The following PROX1 variants were observed in gnomAD, a reference collection of about 807,000 sequenced individuals.
PROX1 encodes prospero homeobox protein 1.
Under a neutral mutation model 58.8 loss-of-function variants are expected in PROX1, and 7 were observed. The observed-to-expected ratio is 0.12, with a 90% CI of 0.07 to 0.22. The LOEUF is 0.22. Ranked by LOEUF, PROX1 falls within the 10% of genes least tolerant of loss-of-function variation. The pLI is 1.00. For synonymous variants in PROX1, 350 were observed against 358.3 expected (o/e 0.98, Z 0.26); for missense variants, 675 against 927.8 (o/e 0.73, Z 3.54).
intron 4 of PROX1, among the ~76,000 whole-genome samples, chr1:214,034,494 T>TAA (rs1220700358): frequency 6.6e-6 from 1 of 152,234 alleles, no homozygotes; most frequent in Non-Finnish European, 1.5e-5. Flanking sequence ...AGAAATCTAC[T>TAA]AAGTGTCAAT....
At chr1:213,992,431 A>G (rs1427236489) in intron 1 of PROX1, among the ~76,000 whole-genome samples, 1 of 152,158 alleles carries the variant, frequency 6.6e-6, no homozygotes, top group East Asian at 1.9e-4. Context: ...AGTGAAGGGG[A>G]CAATTTAATG....
chr1:214,021,336 C>T (rs1664271920), intron 4 of PROX1, among the ~76,000 whole-genome samples: 1 of 152,166 alleles, frequency 6.6e-6, no homozygotes, highest in Non-Finnish European at 1.5e-5. Flanking sequence ...ACGTGATTCC[C>T]CTAGAACTCC....
At chr1:213,991,390 T>C (rs1384198614) in intron 1 of PROX1, among the ~76,000 whole-genome samples, 2 of 152,212 alleles carry the variant, frequency 1.3e-5, no homozygotes, top group Non-Finnish European at 2.9e-5. Context: ...TCATTTATTC[T>C]GTAGACTTCA....
rs770728307 is a variant in PROX1 at position 214,040,252 on chromosome 1, G to A, written c.*4418G>A. The A allele has an allele frequency of 1.3e-5, 2 of 152,182 alleles. No individual in the cohort carries two copies. Among genetic ancestry groups the A allele is most frequent in the Non-Finnish European group, 2.9e-5 (2 of 67,998 alleles). The allele number at this position is 152,182 out of a possible 1,614,324, so 9.4% of individuals were successfully genotyped here. A position where few individuals can be genotyped will look rare whatever the true frequency, so the allele number is the denominator to read the frequency against. ...CATATTCAGAGCTGGGATCAAAACT[G>A]GTATTTAACCTTTGCATCTTCTTAT... is the stretch of plus-strand genomic sequence containing the variant. On this transcript the variant is annotated 3_prime_UTR_variant, in exon 5 of 5. Transcript: ENST00000366958.
chr1:214,019,241 ACCCCAAAAC>A (rs1302091391), intron 4 of PROX1, among the ~76,000 whole-genome samples: 1 of 150,308 alleles, frequency 6.7e-6, no homozygotes, highest in African/African-American at 2.5e-5. Flanking sequence ...TTGCCCCCCC[ACCCCAAAAC>A]AGGCTCCCCA....
intron 1 of PROX1, among the ~76,000 whole-genome samples, chr1:213,990,688 GTGTGTGTGTGTGTT>G (rs1663001519): frequency 2.0e-5 from 3 of 149,662 alleles, no homozygotes; most frequent in Admixed American, 2.0e-4. Flanking sequence ...GTGTGTGTGT[GTGTGTGTGTGTGTT>G]TGTGTGTGTG....
At position 214,020,271 on chromosome 1, in the gene PROX1, A is replaced by AT. The variant is rs535112541; in HGVS notation, c.2028+8560dup. On this transcript the variant is annotated intron_variant, in intron 4 of 4. Transcript: ENST00000366958. ...TTTATTTGCACCTGTGCATTGCCAC[A>AT]TTTTACCAATTTTCTGAAAGCACTT... 3.0e-3 allele frequency among the ~76,000 whole-genome samples: 457 copies of AT among 151,936 alleles called. 1 individual carries two copies. Among genetic ancestry groups the AT allele is most frequent in the Non-Finnish European group, 4.8e-3 (329 of 67,994 alleles).
At chr1:213,989,600 A>C (rs990931291) in intron 1 of PROX1, 1 of 148,980 alleles carries the variant, frequency 6.7e-6, no homozygotes, top group Non-Finnish European at 1.5e-5. Flanking sequence ...GGGCGGGAAG[A>C]GGGAGGGAAG....
At chr1:214,018,529 T>A (rs1230423965) in intron 4 of PROX1, among the ~76,000 whole-genome samples, 1 of 152,136 alleles carries the variant, frequency 6.6e-6, no homozygotes, top group Non-Finnish European at 1.5e-5. Flanking sequence ...GAGAGCTATT[T>A]GAGAAGGGTA....
chr1:214,036,073 G>T lies in PROX1; in HGVS notation c.*239G>T. ...CTTTTGCCCAAGGCCCTTAACATTT[G>T]GACACTTAAAATAGGGTTAATTTTC... On this transcript the variant is annotated 3_prime_UTR_variant, in exon 5 of 5. Coordinates refer to ENST00000366958, the MANE Select transcript of PROX1 (RefSeq NM_001270616.2). 1 of 328,402 alleles carries T rather than the reference G, an allele frequency of 3.0e-6. No homozygotes were observed. Among genetic ancestry groups the T allele is most frequent in the Admixed American group, 4.8e-5 (1 of 20,936 alleles). The allele number at this position is 328,402 out of a possible 1,614,324, so 20.3% of individuals were successfully genotyped here.
At chr1:214,018,514 G>T (rs976159081) in intron 4 of PROX1, among the ~76,000 whole-genome samples, 1 of 152,204 alleles carries the variant, frequency 6.6e-6, no homozygotes, top group African/African-American at 2.4e-5. Context: ...AAGATGCAGT[G>T]TGGAGAGAGC....
rs1341067527 is a variant in PROX1 at position 213,997,972 on chromosome 1, C to A, written c.1437C>A (p.Thr479=). ...LSATTGFTTS[T]FRHPFPLPLM... ...CCACCACGGGCTTCACCACGTCCAC[C>A]TTCCGCCACCCCTTCCCCCTTCCCT... Residue 479 remains threonine, a synonymous_variant, in exon 2 of 5, where the codon ACC becomes ACA. Transcript: ENST00000366958. This position sits in a 1 kb window ranked among gnomAD's most constrained non-coding sequence, Gnocchi z 7.1. 6.2e-7 allele frequency: 1 copy of A among 1,614,032 alleles called. No individual in the cohort carries two copies. Among genetic ancestry groups the A allele is most frequent in the Non-Finnish European group, 8.5e-7 (1 of 1,179,950 alleles).
chr1:214,025,035 T>A (rs1383158838), intron 4 of PROX1, among the ~76,000 whole-genome samples: 1 of 152,198 alleles, frequency 6.6e-6, no homozygotes, highest in Non-Finnish European at 1.5e-5. Context: ...TTTTTCCACC[T>A]AAGTATTGAG....
intron 1 of PROX1, among the ~76,000 whole-genome samples, chr1:213,994,799 A>ATATATCTATATC (rs1558167642): frequency 2.5e-5 from 3 of 119,600 alleles, no homozygotes; most frequent in African/African-American, 1.0e-4. Context: ...ATATATATAT[A>ATATATCTATATC]TATAAAGAGG....
intron 4 of PROX1, chr1:214,029,312 T>A (rs1664566240): frequency 6.6e-6 from 1 of 152,228 alleles, no homozygotes; most frequent in South Asian, 2.1e-4. Flanking sequence ...TCGCTATGTA[T>A]GATTGGTACA....
intron 4 of PROX1, among the ~76,000 whole-genome samples, chr1:214,021,378 A>AT (rs11407990): frequency 0.086 from 13,009 of 152,148 alleles, 1,306 homozygotes; most frequent in African/African-American, 0.24. Flanking sequence ...ATATCCTGGG[A>AT]TTGTGAAGAG....
Position 214,011,510 on chromosome 1 carries a change from A to G in PROX1, c.1834-11A>G. 6.3e-7 allele frequency: 1 copy of G among 1,598,950 alleles called. No homozygotes were observed. Among genetic ancestry groups the G allele is most frequent in the Non-Finnish European group, 8.5e-7 (1 of 1,171,492 alleles). On this transcript the variant is annotated splice_polypyrimidine_tract_variant and intron_variant, in intron 3 of 4. Transcript: ENST00000366958. ...AATGTTCTTATCCTTTTCAACATTT[A>G]AATTTAACAGTTCAACAGATGCATT... is the stretch of plus-strand genomic sequence containing the variant.
At chr1:214,006,896 C>T (rs909132256) in intron 3 of PROX1, among the ~76,000 whole-genome samples, 7 of 152,086 alleles carry the variant, frequency 4.6e-5, no homozygotes, top group African/African-American at 1.7e-4. Flanking sequence ...AATTTTCACC[C>T]AGAAGTAGGC....
At chr1:214,011,320 A>G (rs988838887) in intron 3 of PROX1, among the ~76,000 whole-genome samples, 16 of 152,154 alleles carry the variant, frequency 1.1e-4, no homozygotes, top group Non-Finnish European at 2.4e-4. Context: ...TTGTGATATG[A>G]TTTCCATTAC....
Sources: allele counts gnomAD v4.1 joint callset (sites outside exome capture counted in the v4.1 genomes callset), GRCh38; gene constraint gnomAD v4.1.1; non-coding constraint Gnocchi (gnomAD v3.1); transcripts MANE v1.5; gene names NCBI Gene and HGNC (gene_info 2026-07-23, HGNC 2026-07-21).